DMD: variants seen among roughly 807,000 people sequenced by gnomAD.
DMD encodes mutant dystrophin.
DMD carries 63 observed loss-of-function variants against 330.1 expected under a neutral mutation model. The observed-to-expected ratio is 0.19, with a 90% CI of 0.16 to 0.24. The LOEUF (loss-of-function observed/expected upper bound fraction) is 0.24. Ranked by LOEUF, DMD falls within the 10% of genes least tolerant of loss-of-function variation. The pLI is 1.00. For synonymous variants in DMD, 1,223 were observed against 959.8 expected (o/e 1.27, Z -5.07); for missense variants, 3,344 against 2,684.1 (o/e 1.25, Z -5.43).
intron 2 of DMD, among the ~76,000 whole-genome samples, chrX:32,959,970 A>G (rs1184270059): frequency 8.9e-6 from 1 of 111,827 alleles, no homozygotes; most frequent in African/African-American, 3.3e-5. Context: ...CCATCTGAAG[A>G]TGCTTAGAAT....
At chrX:31,467,927 T>C (rs1304647287) in intron 59 of DMD, among the ~76,000 whole-genome samples, 1 of 111,959 alleles carries the variant, frequency 8.9e-6, no homozygotes, top group Non-Finnish European at 1.9e-5. Context: ...AATCAATTTC[T>C]TCTAGATTTT....
At chrX:33,119,427 T>G (rs926307655) in intron 1 of DMD, among the ~76,000 whole-genome samples, 1 of 112,365 alleles carries the variant, frequency 8.9e-6, no homozygotes. Flanking sequence ...ATTAGTTTAT[T>G]CCGCAAATAC....
intron 1 of DMD, among the ~76,000 whole-genome samples, chrX:33,275,386 A>G (rs1467219357): frequency 1.8e-5 from 2 of 112,070 alleles, no homozygotes; most frequent in Non-Finnish European, 3.8e-5. Flanking sequence ...TTCTCATCTG[A>G]AAAATGGGCA....
intron 13 of DMD, among the ~76,000 whole-genome samples, chrX:32,589,695 C>T (rs73621806): frequency 0.014 from 1,507 of 111,137 alleles, 18 homozygotes; most frequent in African/African-American, 0.046. Flanking sequence ...AGCAACATTT[C>T]GAACTATAAA....
Position 32,697,519 on chromosome X carries a change from C to T in DMD, c.960+351G>A, listed in dbSNP as rs186750880. ...CCCAAATAGTGTAATTAGCAATTTTCACAGATGTACCTACACTTTTCGAAG... is the reference window on the plus strand; with the variant it reads ...CCCAAATAGTGTAATTAGCAATTTTTACAGATGTACCTACACTTTTCGAAG... On this transcript the variant is annotated intron_variant, in intron 9 of 78. Transcript: ENST00000357033. Among the ~76,000 whole-genome samples, 264 of 111,934 alleles carry T rather than the reference C, an allele frequency of 2.4e-3. 4 individuals carry two copies. The highest frequency in any genetic ancestry group is 8.0e-3 in the African/African-American group (247 of 30,865).
intron 44 of DMD, among the ~76,000 whole-genome samples, chrX:32,213,313 A>G (rs752720816): frequency 8.9e-6 from 1 of 112,515 alleles, no homozygotes; most frequent in Non-Finnish European, 1.9e-5. Context: ...ATTCATTATT[A>G]GTCAATCAAC....
At chrX:32,219,374 CT>C (rs781416151) in intron 43 of DMD, among the ~76,000 whole-genome samples, 1 of 111,877 alleles carries the variant, frequency 8.9e-6, no homozygotes, top group Admixed American at 9.5e-5. Flanking sequence ...CAAAGAGTTG[CT>C]TTTGAATGAG....
intron 47 of DMD, among the ~76,000 whole-genome samples, chrX:31,926,375 T>G (rs146525313): frequency 0.02 from 2,174 of 111,360 alleles, 54 homozygotes; most frequent in African/African-American, 0.067. Flanking sequence ...CTCTCTTCAG[T>G]AATGAAATAT....
At chrX:32,259,165 A>G (rs191228049) in intron 43 of DMD, among the ~76,000 whole-genome samples, 1 of 109,839 alleles carries the variant, frequency 9.1e-6, no homozygotes, top group African/African-American at 3.3e-5. Context: ...GCATTTAAAT[A>G]TCTGTTACTT....
chrX:31,539,979 G>A (rs991272864), intron 55 of DMD, among the ~76,000 whole-genome samples: 3 of 111,513 alleles, frequency 2.7e-5, no homozygotes, highest in Admixed American at 9.5e-5. Flanking sequence ...AGGGGTAGCC[G>A]ATGACCCCAA....
Position 32,595,930 on chromosome X carries a change from T to A in DMD, c.1483-54A>T, listed in dbSNP as rs184740106. 2.0e-5 allele frequency: 20 copies of A among 1,012,052 alleles called. No individual in the cohort carries two copies. The East Asian group carries it at 5.8e-4, about 30-fold the overall frequency. The allele number at this position is 1,012,052 out of a possible 1,213,427, so 83.4% of individuals were successfully genotyped here. A position where few individuals can be genotyped will look rare whatever the true frequency, so the allele number is the denominator to read the frequency against. Reference sequence around the variant, plus strand: ...TAAAATGATATTCTTACATGTGTGTTGAAATGATTTGCTCTCAAATGGTGA... The same window carrying A: ...TAAAATGATATTCTTACATGTGTGTAGAAATGATTTGCTCTCAAATGGTGA... On this transcript the variant is annotated intron_variant, in intron 12 of 78. Transcript: ENST00000357033.
chrX:32,394,921 A>AAAAAAAC lies in DMD; in HGVS notation c.4234-4741_4234-4740insGTTTTTT, dbSNP rs1557326846. On this transcript the variant is annotated intron_variant, in intron 30 of 78. Coordinates refer to ENST00000357033, the MANE Select transcript of DMD (RefSeq NM_004006.3). ...AAGAGCAAAAAACAAAAAAACAAAAAAAAAAAAAAAAAGAAAAGAAATCAT... is the reference window on the plus strand; with the variant it reads ...AAGAGCAAAAAACAAAAAAACAAAAAAAAAAACAAAAAAAAAAAAGAAAAGAAATCAT... Among the ~76,000 whole-genome samples, 7 of 63,757 alleles carry AAAAAAAC rather than the reference A, an allele frequency of 1.1e-4. 1 individual carries two copies. The highest frequency in any genetic ancestry group is 3.8e-4 in the African/African-American group (7 of 18,351). The allele number at this position is 63,757 out of a possible 115,157, so 55.4% of individuals were successfully genotyped here.
intron 44 of DMD, among the ~76,000 whole-genome samples, chrX:32,104,286 A>T (rs764665766): frequency 8.9e-6 from 1 of 112,035 alleles, no homozygotes; most frequent in Non-Finnish European, 1.9e-5. Flanking sequence ...ATCTGCTCTA[A>T]TTATGTCAGG....
At chrX:32,558,672 G>T (rs1263523183) in intron 16 of DMD, among the ~76,000 whole-genome samples, 1 of 111,339 alleles carries the variant, frequency 9.0e-6, no homozygotes, top group Non-Finnish European at 1.9e-5. Context: ...AAGACATTTA[G>T]AACTCGATGG....
At chrX:32,165,751 T>G (rs186509427) in intron 44 of DMD, among the ~76,000 whole-genome samples, 2 of 111,701 alleles carry the variant, frequency 1.8e-5, no homozygotes, top group Admixed American at 1.9e-4. Context: ...TCATCTTGAA[T>G]TGTAATCCTT....
At chrX:33,274,391 G>A (rs1255772060) in intron 1 of DMD, among the ~76,000 whole-genome samples, 3 of 111,731 alleles carry the variant, frequency 2.7e-5, no homozygotes, top group African/African-American at 9.8e-5. Context: ...ATCCAAGGTG[G>A]CATGAAAGGT....
At chrX:32,473,805 AAT>A (rs1181757891) in intron 21 of DMD, among the ~76,000 whole-genome samples, 2 of 111,460 alleles carry the variant, frequency 1.8e-5, no homozygotes, top group Non-Finnish European at 3.8e-5. Flanking sequence ...TTACATAAAT[AAT>A]ATGTTTCTCT....
chrX:31,595,058 T>G (rs1018360053), intron 55 of DMD, among the ~76,000 whole-genome samples: 7 of 111,788 alleles, frequency 6.3e-5, no homozygotes, highest in African/African-American at 2.3e-4. Context: ...TGCTTTATAG[T>G]AGTATTTGTT....
chrX:33,202,331 C>T (rs751345718), intron 1 of DMD, among the ~76,000 whole-genome samples: 17 of 111,588 alleles, frequency 1.5e-4, no homozygotes, highest in Non-Finnish European at 2.8e-4. Context: ...GACTCTACCA[C>T]GTACCAGCTG....
Sources: gnomAD v4.1 joint callset for allele counts (sites outside exome capture counted in the v4.1 genomes callset) on GRCh38, gnomAD v4.1.1 for gene constraint, MANE v1.5 for transcripts, NCBI Gene and HGNC (gene_info 2026-07-23, HGNC 2026-07-21) for gene names.